CHRM2: variants seen among roughly 807,000 people sequenced by gnomAD.
CHRM2 encodes the protein cholinergic receptor muscarinic 2, also known as muscarinic acetylcholine receptor M2.
A neutral mutation model predicts 25.0 loss-of-function variants in CHRM2; 8 were observed. The observed-to-expected ratio is 0.32, with a 90% CI of 0.19 to 0.58. The LOEUF (loss-of-function observed/expected upper bound fraction) is 0.58, where lower values mean the gene tolerates loss of function less well. CHRM2 is among the 20% of genes least tolerant of loss of function. CHRM2 has a pLI of 0.88. For missense variants in CHRM2, 440 were observed against 567.1 expected (o/e 0.78, Z 2.28); for synonymous variants, 202 against 205.7 (o/e 0.98, Z 0.15).
intron 2 of CHRM2, among the ~76,000 whole-genome samples, chr7:136,952,846 T>A (rs1009630521): frequency 6.6e-6 from 1 of 152,140 alleles, no homozygotes; most frequent in African/African-American, 2.4e-5. Flanking sequence ...TCTGTGTTAG[T>A]TTGCTAAGGA....
intron 2 of CHRM2, chr7:136,938,232 AATCTTT>A: frequency 1.3e-6 from 1 of 783,192 alleles, no homozygotes; most frequent in Non-Finnish European, 2.3e-6. Flanking sequence ...TTTGTTACTG[AATCTTT>A]AGCTAATGGC....
rs140419332 is a variant in CHRM2 at position 136,966,252 on chromosome 7, T to C, written c.-124-25935T>C. On this transcript the variant is annotated intron_variant, in intron 2 of 3. Transcript: ENST00000680005. The stretch of plus-strand genomic sequence containing the variant: ...CAATTTAAAAGAATGCGTTTTATTC[T>C]GATATTGTTTTATTCATTTGTTTGT... Among the ~76,000 whole-genome samples the C allele has an allele frequency of 2.8e-3, 430 of 152,128 alleles. 2 individuals are homozygous for C. Among genetic ancestry groups the C allele is most frequent in the African/African-American group, 9.7e-3 (402 of 41,562 alleles).
At chr7:136,923,960 C>G (rs1331248692) in intron 2 of CHRM2, among the ~76,000 whole-genome samples, 1 of 152,076 alleles carries the variant, frequency 6.6e-6, no homozygotes, top group East Asian at 1.9e-4. Flanking sequence ...CTGCAATGAC[C>G]TATGATCATG....
At chr7:136,950,377 G>A (rs115275196) in intron 2 of CHRM2, among the ~76,000 whole-genome samples, 103 of 152,232 alleles carry the variant, frequency 6.8e-4, no homozygotes, top group African/African-American at 2.4e-3. Context: ...CTGTCCCTGC[G>A]GGATGGGGGT....
intron 2 of CHRM2, chr7:136,870,521 C>G (rs927051031): frequency 2.6e-5 from 4 of 152,670 alleles, no homozygotes; most frequent in Admixed American, 6.5e-5. Flanking sequence ...CTTTCTCTAT[C>G]TTCCTGCCCA....
chr7:136,901,672 T>C (rs997520757), intron 2 of CHRM2, among the ~76,000 whole-genome samples: 3 of 152,090 alleles, frequency 2.0e-5, no homozygotes, highest in Admixed American at 1.3e-4. Context: ...TTGATCCATT[T>C]GTTGTAAGAA....
chr7:136,885,524 C>A (rs556483576), intron 2 of CHRM2, among the ~76,000 whole-genome samples: 1 of 152,216 alleles, frequency 6.6e-6, no homozygotes, highest in South Asian at 2.1e-4. Flanking sequence ...AGTTGTATAC[C>A]AAGATCGTGT....
At chr7:136,961,055 G>A (rs1338920186) in intron 2 of CHRM2, among the ~76,000 whole-genome samples, 1 of 152,076 alleles carries the variant, frequency 6.6e-6, no homozygotes, top group African/African-American at 2.4e-5. Context: ...AACCCAGAAG[G>A]TGGAGATTGC....
intron 2 of CHRM2, among the ~76,000 whole-genome samples, chr7:136,883,236 G>C (rs1054088655): frequency 6.6e-6 from 1 of 152,150 alleles, no homozygotes; most frequent in African/African-American, 2.4e-5. Context: ...CTTAGAAAGA[G>C]AAGGTTTTGG....
chr7:136,999,167 G>C (rs914108173), intron 3 of CHRM2, among the ~76,000 whole-genome samples: 1 of 152,002 alleles, frequency 6.6e-6, no homozygotes, highest in Non-Finnish European at 1.5e-5. Context: ...ATGGAAATCA[G>C]TTGAGTCATC....
chr7:136,915,293 G>T (rs773280770), intron 2 of CHRM2, among the ~76,000 whole-genome samples: 1 of 151,668 alleles, frequency 6.6e-6, no homozygotes, highest in African/African-American at 2.4e-5. Context: ...ATCAATCTTG[G>T]GTTCAACTGA....
At chr7:136,958,662 G>T (rs1015804902) in intron 2 of CHRM2, among the ~76,000 whole-genome samples, 3 of 151,878 alleles carry the variant, frequency 2.0e-5, no homozygotes, top group African/African-American at 4.8e-5. Flanking sequence ...TCACCATGTT[G>T]CCCAGGCTAG....
chr7:137,009,719 A>G (rs1479672652), intron 3 of CHRM2, among the ~76,000 whole-genome samples: 1 of 152,110 alleles, frequency 6.6e-6, no homozygotes, highest in Non-Finnish European at 1.5e-5. Context: ...TTTGATATTT[A>G]GTTCAACATT....
chr7:137,002,233 T>C (rs758398400), intron 3 of CHRM2, among the ~76,000 whole-genome samples: 47 of 152,332 alleles, frequency 3.1e-4, no homozygotes, highest in Non-Finnish European at 6.2e-4. Flanking sequence ...AGTTGTTTAT[T>C]TGAAAATAGC....
At chr7:136,968,244 A>C (rs981026369) in intron 2 of CHRM2, among the ~76,000 whole-genome samples, 2 of 152,038 alleles carry the variant, frequency 1.3e-5, no homozygotes, top group Non-Finnish European at 2.9e-5. Flanking sequence ...CCACTGCCAC[A>C]GCCTCTCAAA....
chr7:136,924,571 C>G (rs1287834305), intron 2 of CHRM2, among the ~76,000 whole-genome samples: 1 of 152,080 alleles, frequency 6.6e-6, no homozygotes, highest in Non-Finnish European at 1.5e-5. Context: ...TGATACTTTG[C>G]CCAAAGGTTG....
At chr7:137,004,520 G>C (rs1252450853) in intron 3 of CHRM2, among the ~76,000 whole-genome samples, 3 of 152,062 alleles carry the variant, frequency 2.0e-5, no homozygotes, top group Non-Finnish European at 4.4e-5. Context: ...AAGGGTGTTG[G>C]AAGAGGGAAG....
rs573397909 is a variant in CHRM2 at position 137,011,983 on chromosome 7, A to T, written c.-46-2837A>T. On this transcript the variant is annotated intron_variant, in intron 3 of 3. Transcript: ENST00000680005. ...TCCTCATCAAACTAGTTGATTTTGA[A>T]TCCCTACTTTTCAACATCAGTGTTA... Among the ~76,000 whole-genome samples the T allele has an allele frequency of 2.0e-5, 3 of 152,164 alleles. No homozygotes were observed. The East Asian group carries it at 5.8e-4, about 30-fold the overall frequency.
intron 2 of CHRM2, among the ~76,000 whole-genome samples, chr7:136,925,852 A>G (rs1409687430): frequency 6.6e-6 from 1 of 152,220 alleles, no homozygotes; most frequent in African/African-American, 2.4e-5. Context: ...TGCCAGATGT[A>G]AATACACCTT....
Sources: allele counts gnomAD v4.1 joint callset (sites outside exome capture counted in the v4.1 genomes callset), GRCh38; gene constraint gnomAD v4.1.1; transcripts MANE v1.5; gene names NCBI Gene and HGNC (gene_info 2026-07-23, HGNC 2026-07-21).